Variants in MYOM2 observed in about 807,000 individuals in gnomAD.
The protein encoded by MYOM2 is myomesin-2.
Under a neutral mutation model 187.6 loss-of-function variants are expected in MYOM2, and 254 were observed. The observed-to-expected ratio is 1.35, with a 90% CI of 1.22 to 1.50. The LOEUF (loss-of-function observed/expected upper bound fraction) is 1.50, where lower values mean the gene tolerates loss of function less well. Among genes scored for constraint, MYOM2 ranks in the 40% most tolerant of loss-of-function variants. The pLI, the probability that MYOM2 is intolerant of heterozygous loss-of-function variation, is 0.00. For missense variants in MYOM2, 2,796 were observed against 1,924.0 expected, an observed-to-expected ratio of 1.45 and a Z score of -8.48; for synonymous variants, 981 against 753.8, an observed-to-expected ratio of 1.30 and a Z score of -4.94.
intron 1 of MYOM2, among the ~76,000 whole-genome samples, chr8:2,048,314 T>C (rs537852774): frequency 1.3e-5 from 2 of 152,316 alleles, no homozygotes; most frequent in South Asian, 4.1e-4. Flanking sequence ...TCCAACTTCA[T>C]TTCAGTGAGC....
At position 2,050,866 on chromosome 8, in the gene MYOM2, T is replaced by C. The variant is rs1195283048; in HGVS notation, c.100T>C (p.Ser34Pro). Residue 34 changes from serine (S) to proline (P), a missense_variant, in exon 2 of 37, where the codon TCA becomes CCA. By Grantham distance (74) the Ser-to-Pro change is moderately conservative (BLOSUM62 -1). Coordinates refer to ENST00000262113, the MANE Select transcript of MYOM2 (RefSeq NM_003970.4). ...ACGGTACCTGCTGGACGAATATGCGTCAAAAAAGTAAGCTGACATTCGCTG... is the reference window on the plus strand; with the variant it reads ...ACGGTACCTGCTGGACGAATATGCGCCAAAAAAGTAAGCTGACATTCGCTG... ...QTRYLLDEYA[S>P]KKRASTQASS... 6.2e-7 allele frequency: 1 copy of C among 1,608,536 alleles called. No individual in the cohort carries two copies. The highest frequency in any genetic ancestry group is 1.1e-5 in the South Asian group (1 of 90,864).
At chr8:2,078,963 T>C (rs1418328267) in intron 12 of MYOM2, 30 bp downstream of exon 12, 1 of 1,604,532 alleles carries the variant, frequency 6.2e-7, no homozygotes, top group Admixed American at 1.7e-5. Flanking sequence ...GTATCCACTG[T>C]GCCCAGGAAG....
At chr8:2,142,261 A>C in intron 34 of MYOM2, 114 bp from the exon 35 acceptor site, 13 of 996,144 alleles carry the variant, frequency 1.3e-5, no homozygotes, top group Middle Eastern at 2.1e-4. Context: ...ATGCAAACGT[A>C]TCTCCTTCTT....
rs761946751 is a variant in MYOM2, at chr8:2,116,059, G to C, written c.3280G>C (p.Asp1094His). ...GGGGACCTACACTGTGCAGATTCATGATGGGAAAGCCAAAAGTCAGTCTTC... is the reference window on the plus strand; with the variant it reads ...GGGGACCTACACTGTGCAGATTCATCATGGGAAAGCCAAAAGTCAGTCTTC... The part of the protein sequence containing the change: ...NEGTYTVQIH[D>H]GKAKSQSSLV... The change falls in exon 26 of 37, where the codon GAT becomes CAT. Residue 1094 changes from aspartate to histidine, a missense_variant. Physicochemically the swap from Asp to His is moderately conservative, Grantham distance 81. Coordinates refer to ENST00000262113, the MANE Select transcript of MYOM2 (RefSeq NM_003970.4). 4 of 1,613,938 alleles carry C rather than the reference G, an allele frequency of 2.5e-6. No homozygotes were observed. In the South Asian group the frequency reaches 3.3e-5, roughly 13 times the overall value.
intron 16 of MYOM2, among the ~76,000 whole-genome samples, chr8:2,093,196 T>G (rs893015006): frequency 1.3e-4 from 20 of 152,172 alleles, no homozygotes; most frequent in African/African-American, 4.8e-4. Context: ...AAAAATACAC[T>G]GTAAAAAGTG....
Position 2,141,128 on chromosome 8 carries a change from T to A in MYOM2, c.3965-13T>A. ...CTGAAATGGTTAGTAACGTATGAAC[T>A]ATTTCCTCACAGCTTTTGATGAAGC... is the stretch of plus-strand genomic sequence containing the variant. On this transcript the variant is annotated splice_polypyrimidine_tract_variant and intron_variant, in intron 33 of 36. Transcript: ENST00000262113. 1 of 1,611,024 alleles carries A rather than the reference T, an allele frequency of 6.2e-7. No individual in the cohort carries two copies. The highest frequency in any genetic ancestry group is 1.1e-5 in the South Asian group (1 of 90,710).
At chr8:2,079,671 A>G in intron 13 of MYOM2, 58 bp downstream of exon 13, 1 of 1,531,374 alleles carries the variant, frequency 6.5e-7, no homozygotes, top group Non-Finnish European at 9.1e-7. Flanking sequence ...AGTTGTAATT[A>G]GAGATGGGAG....
Position 2,145,328 on chromosome 8 carries a change from A to G in MYOM2, c.*347A>G, listed in dbSNP as rs987318651. 8.6e-5 allele frequency: 32 copies of G among 373,452 alleles called. No homozygotes were observed. Among genetic ancestry groups the G allele is most frequent in the Non-Finnish European group, 4.8e-5 (10 of 209,700 alleles). 23.1% of individuals were successfully genotyped at this position (373,452 alleles called of 1,614,324 possible). A position where few individuals can be genotyped will look rare whatever the true frequency, so the allele number is the denominator to read the frequency against. ...AGCATGTGGCGGTCTGTGTGAAGCCACCGTGCTTCTCTTTGGGGGGCCGCG... is the reference window on the plus strand; with the variant it reads ...AGCATGTGGCGGTCTGTGTGAAGCCGCCGTGCTTCTCTTTGGGGGGCCGCG... On this transcript the variant is annotated 3_prime_UTR_variant, in exon 37 of 37. Transcript: ENST00000262113.
At chr8:2,080,225 A>G (rs184886426) in intron 13 of MYOM2, among the ~76,000 whole-genome samples, 18 of 152,358 alleles carry the variant, frequency 1.2e-4, no homozygotes, top group African/African-American at 4.1e-4. Context: ...GTGAAAACAT[A>G]AAAAGAAAGA....
chr8:2,068,462 C>CG (rs1361790257), intron 6 of MYOM2, among the ~76,000 whole-genome samples: 1 of 142,534 alleles, frequency 7.0e-6, no homozygotes, highest in Non-Finnish European at 1.5e-5. Flanking sequence ...GTGCACCAGG[C>CG]GGAGAGCATC....
chr8:2,138,205 C>T (rs937155368), intron 32 of MYOM2, among the ~76,000 whole-genome samples: 1 of 152,214 alleles, frequency 6.6e-6, no homozygotes, highest in Non-Finnish European at 1.5e-5. Context: ...TCCGTGTTGC[C>T]TTTAATGTAA....
At chr8:2,059,320 G>C in intron 6 of MYOM2, 75 bp downstream of exon 6, 2 of 1,387,070 alleles carry the variant, frequency 1.4e-6, no homozygotes, top group Non-Finnish European at 2.0e-6. Context: ...GAAGTCAGAT[G>C]GGTAACTGGA....
chr8:2,144,978 G>T lies in MYOM2; in HGVS notation c.4395G>T (p.Gln1465His). ...LIPASASAAGQ is the reference protein window; with the variant it reads ...LIPASASAAGH ...CCGCGTCTGCCTCAGCGGCAGGCCA[G>T]TGAAGGCGTTTTCCTAGCCTGGAGA... Residue 1465 changes from glutamine to histidine, a missense_variant, in exon 37 of 37, where the codon CAG becomes CAT. By Grantham distance (24) the Gln-to-His change is conservative (BLOSUM62 0). Coordinates refer to ENST00000262113, the MANE Select transcript of MYOM2 (RefSeq NM_003970.4). The T allele has an allele frequency of 6.2e-7, 1 of 1,613,336 alleles. No homozygotes were observed. Among genetic ancestry groups the T allele is most frequent in the Non-Finnish European group, 8.5e-7 (1 of 1,179,804 alleles).
At chr8:2,062,367 C>T (rs982180061) in intron 6 of MYOM2, among the ~76,000 whole-genome samples, 1 of 152,098 alleles carries the variant, frequency 6.6e-6, no homozygotes, top group East Asian at 1.9e-4. Flanking sequence ...TGCTAGAATC[C>T]GGGAAGGAAC....
At chr8:2,070,796 C>A (rs1049539350) in intron 8 of MYOM2, among the ~76,000 whole-genome samples, 12 of 152,200 alleles carry the variant, frequency 7.9e-5, no homozygotes, top group African/African-American at 2.9e-4. Flanking sequence ...ACGACATTAA[C>A]CATTGTACAT....
intron 6 of MYOM2, among the ~76,000 whole-genome samples, chr8:2,059,570 C>A (rs936334561): frequency 6.6e-6 from 1 of 152,084 alleles, no homozygotes; most frequent in Non-Finnish European, 1.5e-5. Flanking sequence ...GAAACACACC[C>A]TAAGTTCAGA....
intron 3 of MYOM2, among the ~76,000 whole-genome samples, chr8:2,054,593 G>A (rs183755456): frequency 8.5e-5 from 13 of 152,334 alleles, no homozygotes; most frequent in African/African-American, 3.1e-4. Context: ...TAGTTATTCT[G>A]AATCATGGAG....
chr8:2,143,372 T>C (rs199993987), intron 35 of MYOM2, 29 bp from the exon 36 acceptor site: 642 of 1,614,206 alleles, frequency 4.0e-4, no homozygotes, highest in Non-Finnish European at 5.1e-4. Flanking sequence ...CGCAGATGTT[T>C]TCCTAACCAA....
rs118108832 is a variant in MYOM2 at position 2,115,120 on chromosome 8, G to T, written c.3181-840G>T. Among the ~76,000 whole-genome samples the T allele has an allele frequency of 5.7e-3, 846 of 148,582 alleles. 17 individuals are homozygous for T. Among genetic ancestry groups the T allele is most frequent in the East Asian group, 0.05 (252 of 5,088 alleles). The stretch of plus-strand genomic sequence containing the variant: ...TTATAACTTTAATAATTATCAAGAA[G>T]CACAAAAAGGTAAAAATATCAAGCC... On this transcript the variant is annotated intron_variant, in intron 25 of 36. Transcript: ENST00000262113.
Sources: gnomAD v4.1 joint callset for allele counts (sites outside exome capture counted in the v4.1 genomes callset) on GRCh38, gnomAD v4.1.1 for gene constraint, MANE v1.5 for transcripts, NCBI Gene and HGNC (gene_info 2026-07-23, HGNC 2026-07-21) for gene names.